ADAT1: variants seen among roughly 807,000 people sequenced by gnomAD.
The protein encoded by ADAT1 is adenosine deaminase tRNA specific 1.
Under a neutral mutation model 58.6 loss-of-function variants are expected in ADAT1, and 58 were observed. That is an observed-to-expected ratio of 0.99 (90% CI 0.80 to 1.23). The LOEUF is 1.23. ADAT1 is among the 50% of genes most tolerant of loss of function. The probability of loss-of-function intolerance (pLI) is 0.00; values close to 1 mark genes in which losing one functional copy is unlikely to be tolerated. For synonymous variants in ADAT1, 254 were observed against 220.8 expected (o/e 1.15, Z -1.33); for missense variants, 741 against 608.6 (o/e 1.22, Z -2.29).
chr16:75,608,138 T>C (rs1567469330), intron 8 of ADAT1, 86 bp downstream of exon 8: 8 of 1,182,048 alleles, frequency 6.8e-6, no homozygotes, highest in South Asian at 3.8e-5. Context: ...GTTGTTCTTT[T>C]TGGGGTAATA....
At chr16:75,606,238 T>A (rs74027439) in intron 8 of ADAT1, among the ~76,000 whole-genome samples, 5,440 of 152,154 alleles carry the variant, frequency 0.036, 154 homozygotes, top group African/African-American at 0.079. Flanking sequence ...AAAGCTTAAT[T>A]GCAACAGTAA....
At chr16:75,619,652 T>C (rs748563165) in intron 3 of ADAT1, 1 of 455,594 alleles carries the variant, frequency 2.2e-6, no homozygotes, top group Non-Finnish European at 4.4e-6. Flanking sequence ...GGCTCACACC[T>C]TTAATCCCAG....
At chr16:75,601,650 C>G (rs554765476) in intron 9 of ADAT1, among the ~76,000 whole-genome samples, 19 of 152,172 alleles carry the variant, frequency 1.2e-4, no homozygotes, top group African/African-American at 3.9e-4. Flanking sequence ...CCTAGCTACT[C>G]TGGAGACTGA....
intron 4 of ADAT1, among the ~76,000 whole-genome samples, chr16:75,617,581 C>A (rs984565581): frequency 6.6e-6 from 1 of 151,310 alleles, no homozygotes; most frequent in African/African-American, 2.4e-5. Context: ...CTGTAGTGAG[C>A]TATGATTCTG....
At position 75,610,940 on chromosome 16, in the gene ADAT1, C is replaced by T. The variant is rs910824357; in HGVS notation, c.1043+1303G>A. On this transcript the variant is annotated intron_variant, in intron 6 of 9. Coordinates refer to ENST00000564657, the MANE Select transcript of ADAT1 (RefSeq NM_001324445.2). ...CAGCCTGGGTAACCCAATAACACCC[C>T]GTCTCCACAAAAAAAATTTAAAAAT... Among the ~76,000 whole-genome samples the T allele has an allele frequency of 6.6e-5, 10 of 152,208 alleles. No homozygotes were observed. The East Asian group carries it at 1.7e-3, about 26-fold the overall frequency.
Position 75,603,091 on chromosome 16 carries a change from G to T in ADAT1, c.1370C>A (p.Ser457Tyr), listed in dbSNP as rs749428527. Residue 457 changes from serine to tyrosine, a missense_variant, in exon 9 of 10, where the codon TCC (serine) becomes TAC (tyrosine). By Grantham distance (144) the Ser-to-Tyr change is moderately radical (BLOSUM62 -2). Coordinates refer to ENST00000564657, the MANE Select transcript of ADAT1 (RefSeq NM_001324445.2). Reference sequence around the variant, plus strand: ...CATAGGTCAACAGCATCACCTGAGGGAGTGTGGCCACTTGTCCCTTGCAAT... The same window carrying T: ...CATAGGTCAACAGCATCACCTGAGGTAGTGTGGCCACTTGTCCCTTGCAAT... ...SRIARDKWPH[S>Y]LRVQKLDTYQ... 1.2e-6 allele frequency: 2 copies of T among 1,613,580 alleles called. No homozygotes were observed. The highest frequency in any genetic ancestry group is 1.7e-5 in the Admixed American group (1 of 60,000).
At position 75,600,005 on chromosome 16, in the gene ADAT1, G is replaced by C; in HGVS notation, c.*211C>G. 2.2e-6 allele frequency: 3 copies of C among 1,345,748 alleles called. No homozygotes were observed. The South Asian group carries it at 5.9e-5, about 26-fold the overall frequency. The allele number at this position is 1,345,748 out of a possible 1,614,324, so 83.4% of individuals were successfully genotyped here. A position where few individuals can be genotyped will look rare whatever the true frequency, so the allele number is the denominator to read the frequency against. On this transcript the variant is annotated 3_prime_UTR_variant, in exon 10 of 10. Transcript: ENST00000564657. ...AAACACAATGGAAGTCAGATAGTGAGGTCATTAGTGAGATGCCATTTTAGC... is the reference window on the plus strand; with the variant it reads ...AAACACAATGGAAGTCAGATAGTGACGTCATTAGTGAGATGCCATTTTAGC...
intron 5 of ADAT1, among the ~76,000 whole-genome samples, chr16:75,614,160 A>G (rs1024390518): frequency 1.3e-5 from 2 of 152,180 alleles, no homozygotes; most frequent in African/African-American, 4.8e-5. Context: ...ACTGCACTCC[A>G]GCCTGGGTGA....
chr16:75,602,600 C>G (rs1252477068), intron 9 of ADAT1, among the ~76,000 whole-genome samples: 1 of 152,106 alleles, frequency 6.6e-6, no homozygotes, highest in Non-Finnish European at 1.5e-5. Context: ...GTGTCCTTCA[C>G]CTGTGAAACT....
chr16:75,617,278 G>C lies in ADAT1; in HGVS notation c.294-6C>G, dbSNP rs763787303. The C allele has an allele frequency of 1.2e-6, 2 of 1,610,844 alleles. No individual in the cohort carries two copies. The highest frequency in any genetic ancestry group is 2.2e-5 in the South Asian group (2 of 90,946). ...GGAGTTGGTGGAGAAGGTACCTAAG[G>C]GTTGCAAGATGTTATTAGGATGAAC... On this transcript the variant is annotated splice_region_variant and splice_polypyrimidine_tract_variant and intron_variant, in intron 4 of 9. Transcript: ENST00000564657.
chr16:75,604,192 G>C (rs886578280), intron 8 of ADAT1, among the ~76,000 whole-genome samples: 2 of 151,912 alleles, frequency 1.3e-5, no homozygotes, highest in Admixed American at 6.6e-5. Context: ...ACTTTGGGAG[G>C]CTGAGGTGAA....
intron 9 of ADAT1, 42 bp downstream of exon 9, chr16:75,603,043 T>C (rs1195079553): frequency 1.3e-6 from 2 of 1,568,682 alleles, no homozygotes; most frequent in Non-Finnish European, 1.8e-6. Flanking sequence ...ATCAAAACAG[T>C]TGTCTACCTA....
At chr16:75,618,358 T>G (rs2081808695) in intron 4 of ADAT1, among the ~76,000 whole-genome samples, 1 of 151,066 alleles carries the variant, frequency 6.6e-6, no homozygotes, top group Admixed American at 6.6e-5. Flanking sequence ...CACAAAAAAT[T>G]AGTTGAGCAT....
chr16:75,600,973 T>A (rs2151738859), intron 9 of ADAT1, among the ~76,000 whole-genome samples: 1 of 152,316 alleles, frequency 6.6e-6, no homozygotes, highest in Non-Finnish European at 1.5e-5. Context: ...CAGTTAAGAA[T>A]GAACAGAATT....
Position 75,598,840 on chromosome 16 carries a change from C to T in ADAT1, c.*1376G>A. On this transcript the variant is annotated 3_prime_UTR_variant, in exon 10 of 10. Coordinates refer to ENST00000564657, the MANE Select transcript of ADAT1 (RefSeq NM_001324445.2). ...GGCCTAAAAACTTTTAAAATGTATA[C>T]TTTAGTTGGGTGAATTTTATGGTCT... 1.0e-6 allele frequency: 1 copy of T among 956,592 alleles called. No individual in the cohort carries two copies. Among genetic ancestry groups the T allele is most frequent in the Non-Finnish European group, 1.2e-6 (1 of 804,094 alleles). 59.3% of individuals were successfully genotyped at this position (956,592 alleles called of 1,614,324 possible). A position where few individuals can be genotyped will look rare whatever the true frequency, so the allele number is the denominator to read the frequency against.
Position 75,600,095 on chromosome 16 carries a change from G to A in ADAT1, c.*121C>T. Reference sequence around the variant, plus strand: ...CAGATTCCATCTGTATTACACAACAGAGATGCAAAGCTCAGAAAGAATGTT... The same window carrying A: ...CAGATTCCATCTGTATTACACAACAAAGATGCAAAGCTCAGAAAGAATGTT... On this transcript the variant is annotated 3_prime_UTR_variant, in exon 10 of 10. Coordinates refer to ENST00000564657, the MANE Select transcript of ADAT1 (RefSeq NM_001324445.2). 1 of 1,534,068 alleles carries A rather than the reference G, an allele frequency of 6.5e-7. No individual in the cohort carries two copies. The highest frequency in any genetic ancestry group is 8.8e-7 in the Non-Finnish European group (1 of 1,139,210).
rs548139814 is a variant in ADAT1 at position 75,620,318 on chromosome 16, C to T, written c.186G>A (p.Val62=). 9.9e-6 allele frequency: 16 copies of T among 1,614,136 alleles called. No homozygotes were observed. Among genetic ancestry groups the T allele is most frequent in the Middle Eastern group, 1.6e-4 (1 of 6,062 alleles). Residue 62 remains valine, a synonymous_variant, in exon 3 of 10, where the codon GTG becomes GTA. Coordinates refer to ENST00000564657, the MANE Select transcript of ADAT1 (RefSeq NM_001324445.2). ...DKPVQVTKEV[V]SMGTGTKCIG... ...TGCATTTTGTTCCTGTTCCCATTGA[C>T]ACAACTTCCTTTGTCACTGTGGGAA...
chr16:75,607,124 C>T (rs950157013), intron 8 of ADAT1, among the ~76,000 whole-genome samples: 2 of 151,274 alleles, frequency 1.3e-5, no homozygotes, highest in African/African-American at 2.4e-5. Context: ...CAGCTACTTG[C>T]GAGGCTGTAG....
Position 75,608,956 on chromosome 16 carries a change from A to T in ADAT1, c.1076T>A (p.Phe359Tyr). ...CAGTATTTTTAATTCTTGAACTCCGAAGCCTTTTGGTAAAGCAGACACATT... is the reference window on the plus strand; with the variant it reads ...CAGTATTTTTAATTCTTGAACTCCGTAGCCTTTTGGTAAAGCAGACACATT... ...CQNVSALPKG[F>Y]GVQELKILQS... is the part of the protein sequence containing the mutation. The change falls in exon 7 of 10, where the codon TTC (phenylalanine) becomes TAC (tyrosine). Residue 359 changes from phenylalanine to tyrosine, a missense_variant. Coordinates refer to ENST00000564657, the MANE Select transcript of ADAT1 (RefSeq NM_001324445.2). 2 of 1,614,212 alleles carry T rather than the reference A, an allele frequency of 1.2e-6. No individual in the cohort carries two copies. The highest frequency in any genetic ancestry group is 1.7e-6 in the Non-Finnish European group (2 of 1,180,036).
Sources: allele counts gnomAD v4.1 joint callset (sites outside exome capture counted in the v4.1 genomes callset), GRCh38; gene constraint gnomAD v4.1.1; transcripts MANE v1.5; gene names NCBI Gene and HGNC (gene_info 2026-07-23, HGNC 2026-07-21).